The following PLD1 variants were observed in gnomAD, a reference collection of about 807,000 sequenced individuals.
The protein encoded by PLD1 is choline phosphatase 1.
In PLD1, 112 loss-of-function variants were observed where a neutral mutation model predicts 137.1. That is an observed-to-expected ratio of 0.82 (90% CI 0.70 to 0.96). PLD1 has a LOEUF of 0.96. Ranked by LOEUF, PLD1 falls within the 40% of genes least tolerant of loss-of-function variation. PLD1 has a pLI of 0.00. For synonymous variants in PLD1, 431 were observed against 454.7 expected (o/e 0.95, Z 0.66); for missense variants, 1,321 against 1,342.0 (o/e 0.98, Z 0.24).
At chr3:171,757,887 G>A (rs1721134276) in intron 1 of PLD1, among the ~76,000 whole-genome samples, 1 of 152,228 alleles carries the variant, frequency 6.6e-6, no homozygotes, top group Non-Finnish European at 1.5e-5. Flanking sequence ...AAGCTGGTCT[G>A]AAACCAGCTT....
At chr3:171,708,075 C>T (rs1383130368) in intron 11 of PLD1, among the ~76,000 whole-genome samples, 1 of 152,166 alleles carries the variant, frequency 6.6e-6, no homozygotes, top group African/African-American at 2.4e-5. Context: ...TTTCCATATC[C>T]ATCGTAGCCA....
chr3:171,764,961 AG>A (rs1438128597), intron 1 of PLD1, among the ~76,000 whole-genome samples: 1 of 88,518 alleles, frequency 1.1e-5, no homozygotes, highest in African/African-American at 3.5e-5. Flanking sequence ...AAAGAAAGAA[AG>A]AAAGAAAGAA....
chr3:171,720,870 C>G (rs1432099839), intron 8 of PLD1, among the ~76,000 whole-genome samples: 4 of 152,136 alleles, frequency 2.6e-5, no homozygotes, highest in African/African-American at 9.7e-5. Context: ...TTTCCCTCAC[C>G]TTTCCTAGCT....
Position 171,634,659 on chromosome 3 carries a change from C to T in PLD1, c.2593+8181G>A, listed in dbSNP as rs183496621. Among the ~76,000 whole-genome samples the T allele has an allele frequency of 3.2e-3, 492 of 152,230 alleles. 1 individual carries two copies. Among genetic ancestry groups the T allele is most frequent in the African/African-American group, 0.011 (471 of 41,546 alleles). On this transcript the variant is annotated intron_variant, in intron 23 of 26. Transcript: ENST00000351298. ...TGAACACACAACACCAATATATGTA[C>T]ATATGCCTATTTTGAAATTATATAC...
intron 1 of PLD1, among the ~76,000 whole-genome samples, chr3:171,754,132 G>A (rs564387884): frequency 6.6e-6 from 1 of 152,194 alleles, no homozygotes; most frequent in African/African-American, 2.4e-5. Flanking sequence ...CTTTCCACTT[G>A]GTCTCTGACT....
intron 15 of PLD1, 121 bp downstream of exon 15, chr3:171,687,248 CCT>C: frequency 1.3e-6 from 1 of 750,494 alleles, no homozygotes; most frequent in Middle Eastern, 3.2e-4. Flanking sequence ...GATATAGCGA[CCT>C]CTCAACATTG....
At chr3:171,742,006 C>A (rs575105849) in intron 1 of PLD1, among the ~76,000 whole-genome samples, 11,722 of 152,164 alleles carry the variant, frequency 0.077, 624 homozygotes, top group Middle Eastern at 0.17. Flanking sequence ...CTCATTTAAT[C>A]TTCACAATAA....
chr3:171,610,502 G>A (rs1168358260), intron 25 of PLD1, among the ~76,000 whole-genome samples: 1 of 152,112 alleles, frequency 6.6e-6, no homozygotes, highest in Non-Finnish European at 1.5e-5. Context: ...CTGGTTTTCT[G>A]TATTTGCCAA....
Position 171,602,504 on chromosome 3 carries a change from C to G in PLD1, c.*574G>C, listed in dbSNP as rs1228487270. The stretch of plus-strand genomic sequence containing the variant: ...TAGGCTAAAGTCTGCCGTGTTCGTA[C>G]AGTGACTGAAAAGGAATAATGACTA... On this transcript the variant is annotated 3_prime_UTR_variant, in exon 27 of 27. Coordinates refer to ENST00000351298, the MANE Select transcript of PLD1 (RefSeq NM_002662.5). 6.3e-6 allele frequency: 1 copy of G among 157,664 alleles called. No individual in the cohort carries two copies. The highest frequency in any genetic ancestry group is 1.4e-5 in the Non-Finnish European group (1 of 71,304). The allele number at this position is 157,664 out of a possible 1,614,324, so 9.8% of individuals were successfully genotyped here.
intron 1 of PLD1, among the ~76,000 whole-genome samples, chr3:171,785,501 T>C (rs1192026707): frequency 6.6e-6 from 1 of 151,602 alleles, no homozygotes; most frequent in East Asian, 1.9e-4. Context: ...TGCACTGGCA[T>C]GATCTCAGCT....
intron 1 of PLD1, chr3:171,791,952 G>C (rs2901734): frequency 0.3 from 46,357 of 152,682 alleles, 7,370 homozygotes; most frequent in Admixed American, 0.36. Flanking sequence ...TCAGAGTTCC[G>C]GAACATTCCT....
At chr3:171,673,334 T>A (rs1390332248) in intron 19 of PLD1, among the ~76,000 whole-genome samples, 2 of 152,060 alleles carry the variant, frequency 1.3e-5, no homozygotes, top group Admixed American at 1.3e-4. Flanking sequence ...CAGGCTGGAC[T>A]GCAGTGGTGT....
intron 24 of PLD1, among the ~76,000 whole-genome samples, chr3:171,614,878 C>T (rs757721679): frequency 3.9e-5 from 6 of 152,142 alleles, no homozygotes; most frequent in Non-Finnish European, 8.8e-5. Flanking sequence ...CAGTGGGCCC[C>T]GACACTCCCG....
intron 23 of PLD1, among the ~76,000 whole-genome samples, chr3:171,640,568 A>G (rs1451320154): frequency 6.6e-6 from 1 of 152,216 alleles, no homozygotes; most frequent in Non-Finnish European, 1.5e-5. Flanking sequence ...TGAGTTTCTT[A>G]TACTTTACTG....
intron 20 of PLD1, among the ~76,000 whole-genome samples, chr3:171,659,755 T>C (rs1198815341): frequency 6.6e-6 from 1 of 152,194 alleles, no homozygotes; most frequent in Non-Finnish European, 1.5e-5. Context: ...TCTAGTTTTC[T>C]CCACCCTTTC....
chr3:171,670,644 T>C (rs1712648891), intron 19 of PLD1, among the ~76,000 whole-genome samples: 1 of 152,256 alleles, frequency 6.6e-6, no homozygotes, highest in African/African-American at 2.4e-5. Flanking sequence ...TCATCAGTGA[T>C]GTCCTAGTTT....
chr3:171,767,955 A>AGG lies in PLD1; in HGVS notation c.-31-29875_-31-29874dup, dbSNP rs143928764. Among the ~76,000 whole-genome samples the AGG allele has an allele frequency of 2.6e-5, 4 of 151,472 alleles. No homozygotes were observed. In the South Asian group the frequency reaches 6.3e-4, roughly 24 times the overall value. On this transcript the variant is annotated intron_variant, in intron 1 of 26. Coordinates refer to ENST00000351298, the MANE Select transcript of PLD1 (RefSeq NM_002662.5). ...GAGACTCTGCCTCAAAAAAAAAGAGAGGGGGGCTGGGGCTTAGAACAGTGA... is the reference window on the plus strand; with the variant it reads ...GAGACTCTGCCTCAAAAAAAAAGAGAGGGGGGGGCTGGGGCTTAGAACAGTGA...
intron 21 of PLD1, among the ~76,000 whole-genome samples, chr3:171,650,829 C>T (rs1432705321): frequency 1.3e-5 from 2 of 151,718 alleles, no homozygotes; most frequent in Non-Finnish European, 2.9e-5. Flanking sequence ...ACCCGGGAGG[C>T]GGAGCTTGGC....
At chr3:171,683,335 G>A (rs868305220) in intron 16 of PLD1, among the ~76,000 whole-genome samples, 16 of 152,222 alleles carry the variant, frequency 1.1e-4, no homozygotes, top group African/African-American at 3.6e-4. Flanking sequence ...AAGACCATCC[G>A]ATGACTTCCT....
Sources: gnomAD v4.1 joint callset for allele counts (sites outside exome capture counted in the v4.1 genomes callset) on GRCh38, gnomAD v4.1.1 for gene constraint, MANE v1.5 for transcripts, NCBI Gene and HGNC (gene_info 2026-07-23, HGNC 2026-07-21) for gene names.